Variants in NECTIN1 observed in about 807,000 individuals in gnomAD.
NECTIN1 encodes nectin-1.
A neutral mutation model predicts 48.0 loss-of-function variants in NECTIN1; 23 were observed. That is an observed-to-expected ratio of 0.48 (90% CI 0.34 to 0.68). NECTIN1 has a LOEUF of 0.68. Among genes scored for constraint, NECTIN1 ranks in the 30% least tolerant of loss-of-function variants. The pLI is 0.01. For synonymous variants in NECTIN1, 270 were observed against 288.9 expected (o/e 0.93, Z 0.66); for missense variants, 591 against 709.9 (o/e 0.83, Z 1.90).
At position 119,727,981 on chromosome 11, in the gene NECTIN1, G is replaced by T. The variant is rs1319396474; in HGVS notation, c.79+494C>A. Reference sequence around the variant, plus strand: ...TGTGGGGCGGTGTGGGGCGGGAGGGGGCCCGAGCGTCCTGAGCCGTCTGGC... The same window carrying T: ...TGTGGGGCGGTGTGGGGCGGGAGGGTGCCCGAGCGTCCTGAGCCGTCTGGC... On this transcript the variant is annotated intron_variant, in intron 1 of 5. Transcript: ENST00000264025. This position sits in a 1 kb window ranked among gnomAD's most constrained non-coding sequence, Gnocchi z 4.1. 1.3e-5 allele frequency among the ~76,000 whole-genome samples: 2 copies of T among 152,148 alleles called. No individual in the cohort carries two copies. Among genetic ancestry groups the T allele is most frequent in the South Asian group, 4.1e-4 (2 of 4,834 alleles).
intron 5 of NECTIN1, among the ~76,000 whole-genome samples, chr11:119,649,175 T>G (rs939051543): frequency 3.3e-5 from 5 of 151,924 alleles, no homozygotes; most frequent in Admixed American, 3.3e-4. Context: ...GGTCAAGAGA[T>G]CGAGACTATC....
In NECTIN1 at chr11:119,662,335, G is replaced by A. The variant is rs1289714765; in HGVS notation, c.*2412C>T. 2 of 985,748 alleles carry A rather than the reference G, an allele frequency of 2.0e-6. No individual in the cohort carries two copies. Among genetic ancestry groups the A allele is most frequent in the African/African-American group, 3.5e-5 (2 of 57,210 alleles). 61.1% of individuals were successfully genotyped at this position (985,748 alleles called of 1,614,324 possible). A position where few individuals can be genotyped will look rare whatever the true frequency, so the allele number is the denominator to read the frequency against. The stretch of plus-strand genomic sequence containing the variant: ...TCCCTAGGTCCAAGTGCTGACTCCT[G>A]CCTCATGCCCACCCTCAGCCCAGGC... On this transcript the variant is annotated 3_prime_UTR_variant, in exon 6 of 6. Coordinates refer to ENST00000264025, the MANE Select transcript of NECTIN1 (RefSeq NM_002855.5). This position sits in a 1 kb window ranked among gnomAD's most constrained non-coding sequence, Gnocchi z 5.3.
intron 6 of NECTIN1, chr11:119,639,490 T>TAC: frequency 2.8e-6 from 1 of 353,176 alleles, no homozygotes. Context: ...TCCTCTCTGG[T>TAC]CCTAGGTCTG....
chr11:119,690,597 G>A (rs1202088114), intron 1 of NECTIN1, among the ~76,000 whole-genome samples: 1 of 152,200 alleles, frequency 6.6e-6, no homozygotes, highest in Non-Finnish European at 1.5e-5. Context: ...AGGAGGGCAG[G>A]TCCCCCAGGC....
intron 1 of NECTIN1, among the ~76,000 whole-genome samples, chr11:119,705,149 C>T (rs1007201488): frequency 6.6e-6 from 1 of 152,040 alleles, no homozygotes; most frequent in Admixed American, 6.5e-5. Context: ...AGGCAGGGCT[C>T]GAGATTAGGC....
chr11:119,676,121 C>T (rs553957016), intron 4 of NECTIN1, among the ~76,000 whole-genome samples: 38 of 152,270 alleles, frequency 2.5e-4, no homozygotes, highest in Admixed American at 8.5e-4. Context: ...ACTCAGGTAA[C>T]GAGATAGGAA....
At position 119,663,815 on chromosome 11, in the gene NECTIN1, G is replaced by A; in HGVS notation, c.*932C>T. ...GACCCAGTCTCAGCTGTCTCTGGAA[G>A]CTTCTATAGGCAGACCCCATTCTCA... On this transcript the variant is annotated 3_prime_UTR_variant, in exon 6 of 6. Coordinates refer to ENST00000264025, the MANE Select transcript of NECTIN1 (RefSeq NM_002855.5). The A allele has an allele frequency of 1.0e-6, 1 of 985,546 alleles. No homozygotes were observed. Among genetic ancestry groups the A allele is most frequent in the Non-Finnish European group, 1.2e-6 (1 of 829,994 alleles). 61.1% of individuals were successfully genotyped at this position (985,546 alleles called of 1,614,324 possible).
At chr11:119,704,913 C>T (rs1447112311) in intron 1 of NECTIN1, among the ~76,000 whole-genome samples, 1 of 152,254 alleles carries the variant, frequency 6.6e-6, no homozygotes, top group Non-Finnish European at 1.5e-5. Context: ...GGCCCTGCCA[C>T]TTACATGTGG....
In NECTIN1 at chr11:119,645,230, GC is replaced by G. The variant is rs1401316580; in HGVS notation, c.1004-5219del. Among the ~76,000 whole-genome samples the G allele has an allele frequency of 3.3e-5, 5 of 152,300 alleles. No homozygotes were observed. The South Asian group carries it at 8.3e-4, about 25-fold the overall frequency. On this transcript the variant is annotated intron_variant, in intron 5 of 7. Coordinates refer to the NECTIN1 transcript ENST00000341398. ...CAGGGCCCATCCAGTGGCTGAGTCTGCCTGGCCATGTCTCCAGCCCACGTGT... is the reference window on the plus strand; with the variant it reads ...CAGGGCCCATCCAGTGGCTGAGTCTGCTGGCCATGTCTCCAGCCCACGTGT...
At chr11:119,657,971 T>A (rs4319523), downstream of NECTIN1, among the ~76,000 whole-genome samples, 146,372 of 149,006 alleles carry the variant, frequency 0.98, 71,944 homozygotes, top group East Asian at 1. Flanking sequence ...CCAATCCCAG[T>A]GGCTCTGAAC....
chr11:119,639,915 G>T, exon 6 of NECTIN1: 1 of 1,614,208 alleles, frequency 6.2e-7, no homozygotes, highest in Non-Finnish European at 8.5e-7. Flanking sequence ...TGTACAGGAA[G>T]AAGACAGTGA....
intron 1 of NECTIN1, among the ~76,000 whole-genome samples, chr11:119,680,320 A>G (rs1865036730): frequency 1.3e-5 from 2 of 152,086 alleles, no homozygotes; most frequent in Non-Finnish European, 2.9e-5. Flanking sequence ...TCATTTGTAT[A>G]CTTCATGTCT....
intron 1 of NECTIN1, among the ~76,000 whole-genome samples, chr11:119,696,569 C>A (rs1315164247): frequency 6.6e-6 from 1 of 152,124 alleles, no homozygotes; most frequent in African/African-American, 2.4e-5. Context: ...CCTGACATGT[C>A]CCAGAGACAC....
At chr11:119,648,334 G>GTGGTGGTGGTGA (rs1864437292) in intron 5 of NECTIN1, among the ~76,000 whole-genome samples, 2 of 4,688 alleles carry the variant, frequency 4.3e-4, no homozygotes, top group Non-Finnish European at 1.1e-3. Context: ...GGTGGTGATG[G>GTGGTGGTGGTGA]TGGTGGTGAT....
intron 1 of NECTIN1, among the ~76,000 whole-genome samples, chr11:119,720,897 C>A (rs751557707): frequency 6.6e-6 from 1 of 152,152 alleles, no homozygotes; most frequent in Non-Finnish European, 1.5e-5. Context: ...GAAGCCCCTG[C>A]CAAGGCTACC....
chr11:119,651,386 C>G (rs1864487358), intron 5 of NECTIN1, among the ~76,000 whole-genome samples: 1 of 152,098 alleles, frequency 6.6e-6, no homozygotes. Context: ...TGAACAGATA[C>G]TTCTGTGGAG....
In NECTIN1 at chr11:119,665,394, G is replaced by T. The variant is rs1410735518; in HGVS notation, c.1004-97C>A. 25 of 1,469,506 alleles carry T rather than the reference G, an allele frequency of 1.7e-5. No homozygotes were observed. Among genetic ancestry groups the T allele is most frequent in the Admixed American group, 1.2e-4 (5 of 41,242 alleles). The allele number at this position is 1,469,506 out of a possible 1,614,324, so 91.0% of individuals were successfully genotyped here. On this transcript the variant is annotated intron_variant, in intron 5 of 5. Transcript: ENST00000264025. This position sits in a 1 kb window ranked among gnomAD's most constrained non-coding sequence, Gnocchi z 5.1. ...GGCAGGGAAAGGAGAGGCCAGGAAGGACAGGCTGTCTGCACCCCAGGTTTG... is the reference window on the plus strand; with the variant it reads ...GGCAGGGAAAGGAGAGGCCAGGAAGTACAGGCTGTCTGCACCCCAGGTTTG...
At chr11:119,713,728 C>G (rs1005606311) in intron 1 of NECTIN1, 4 of 413,422 alleles carry the variant, frequency 9.7e-6, no homozygotes, top group African/African-American at 6.2e-5. Flanking sequence ...GAGGGGCAGT[C>G]ATGTCCTCTG....
At chr11:119,701,711 A>C (rs1414888803) in intron 1 of NECTIN1, among the ~76,000 whole-genome samples, 1 of 152,156 alleles carries the variant, frequency 6.6e-6, no homozygotes, top group Non-Finnish European at 1.5e-5. Flanking sequence ...TTAATAAAGA[A>C]AGCCTAATTT....
Sources: allele counts gnomAD v4.1 joint callset (sites outside exome capture counted in the v4.1 genomes callset), GRCh38; gene constraint gnomAD v4.1.1; non-coding constraint Gnocchi (gnomAD v3.1); transcripts MANE v1.5; gene names NCBI Gene and HGNC (gene_info 2026-07-23, HGNC 2026-07-21).